The following UBN1 variants were observed in gnomAD, a reference collection of about 807,000 sequenced individuals.
UBN1 encodes ubinuclein 1, also known as ubinuclein-1.
In UBN1, 17 loss-of-function variants were observed where a neutral mutation model predicts 108.5. That is an observed-to-expected ratio of 0.16 (90% CI 0.11 to 0.24). The LOEUF is 0.24. UBN1 is among the 10% of genes least tolerant of loss of function. UBN1 has a pLI of 1.00. For synonymous variants in UBN1, 726 were observed against 564.2 expected, an observed-to-expected ratio of 1.29 and a Z score of -4.07; for missense variants, 1,595 against 1,394.4, an observed-to-expected ratio of 1.14 and a Z score of -2.29.
Position 4,876,897 on chromosome 16 carries a change from G to A in UBN1, c.3051G>A (p.Leu1017=). The A allele has an allele frequency of 6.2e-7, 1 of 1,611,832 alleles. No homozygotes were observed. Among genetic ancestry groups the A allele is most frequent in the Non-Finnish European group, 8.5e-7 (1 of 1,178,756 alleles). Residue 1017 remains leucine, a synonymous_variant, in exon 16 of 18, where the codon CTG becomes CTA. Transcript: ENST00000262376. ...LSKGASGTVL[L]AGSSLMASPY... is the part of the protein sequence containing the mutation. ...AAGGAGCGAGTGGGACTGTGCTGCT[G>A]GCCGGCTCCTCTTTGATGGCTTCAC...
chr16:4,850,512 T>C (rs986364319), intron 1 of UBN1, among the ~76,000 whole-genome samples: 2 of 152,228 alleles, frequency 1.3e-5, no homozygotes, highest in Non-Finnish European at 2.9e-5. Flanking sequence ...AGCTGGGATT[T>C]ATTTCCACAA....
chr16:4,877,158 G>T lies in UBN1; in HGVS notation c.3265+47G>T. 1 of 1,553,558 alleles carries T rather than the reference G, an allele frequency of 6.4e-7. No homozygotes were observed. The highest frequency in any genetic ancestry group is 8.7e-7 in the Non-Finnish European group (1 of 1,153,350). ...CTGGTCACTCAGGAACCTCTAGATT[G>T]TGGCCAGGGGTCCTGCTGTTGTGTA... is the stretch of plus-strand genomic sequence containing the variant. On this transcript the variant is annotated intron_variant, in intron 16 of 17. Coordinates refer to ENST00000262376, the MANE Select transcript of UBN1 (RefSeq NM_001079514.3). The surrounding 1 kb of genome is among the most constrained non-coding windows in gnomAD (Gnocchi z 4.3).
chr16:4,869,502 C>T (rs980564647), intron 8 of UBN1, among the ~76,000 whole-genome samples: 2 of 152,210 alleles, frequency 1.3e-5, no homozygotes, highest in African/African-American at 2.4e-5. Flanking sequence ...CCGCTTTTCT[C>T]CTGGTTGCAG....
In UBN1 at chr16:4,853,274, GC is replaced by G. The variant is rs1334397069; in HGVS notation, c.249+112del. On this transcript the variant is annotated intron_variant, in intron 2 of 17. Coordinates refer to ENST00000262376, the MANE Select transcript of UBN1 (RefSeq NM_001079514.3). ...GCAAGACTTAACTGAGGTTTTGGCT[GC>G]CCCAAGATCCTGTCACTCACTCAAG... 5 of 1,448,408 alleles carry G rather than the reference GC, an allele frequency of 3.5e-6. No individual in the cohort carries two copies. The East Asian group carries it at 9.4e-5, about 27-fold the overall frequency. 89.7% of individuals were successfully genotyped at this position (1,448,408 alleles called of 1,614,324 possible).
chr16:4,878,503 C>G (rs561734534), intron 17 of UBN1, among the ~76,000 whole-genome samples: 1 of 152,274 alleles, frequency 6.6e-6, no homozygotes, highest in African/African-American at 2.4e-5. Context: ...TGGGGCAAGA[C>G]TAAATCTGTA....
chr16:4,870,871 G>A lies in UBN1; in HGVS notation c.1458G>A (p.Glu486=). 2.5e-6 allele frequency: 4 copies of A among 1,614,110 alleles called. No homozygotes were observed. Among genetic ancestry groups the A allele is most frequent in the African/African-American group, 1.3e-5 (1 of 75,054 alleles). ...TGCTGGAAGAGGAGAAAGACAAGGAGCAGAGGGACCGGATTTGTTCGGATG... is the reference window on the plus strand; with the variant it reads ...TGCTGGAAGAGGAGAAAGACAAGGAACAGAGGGACCGGATTTGTTCGGATG... ...AKMLEEEKDK[E]QRDRICSDEE... Residue 486 remains glutamate, a synonymous_variant, in exon 11 of 18, where the codon GAG becomes GAA. Transcript: ENST00000262376.
In UBN1 at chr16:4,870,533, G is replaced by A. The variant is rs146683333; in HGVS notation, c.1329G>A (p.Glu443=). 21 of 1,614,132 alleles carry A rather than the reference G, an allele frequency of 1.3e-5. No homozygotes were observed. The African/African-American group carries it at 2.5e-4, about 19-fold the overall frequency. ...CTTCGCAGGGGGGCCGTCTGAAGGA[G>A]CCTCTCCAGAAGCTCAAGGAAGCCA... ...HLYEQGGRLK[E]PLQKLKEAIG... The change falls in exon 10 of 18, where the codon GAG becomes GAA. Residue 443 remains glutamate, a synonymous_variant. Transcript: ENST00000262376.
rs572331937 is a variant in UBN1 at position 4,868,690 on chromosome 16, G to A, written c.1111-143G>A. ...TTGATCGCAGGCGAACTTAACCTGG[G>A]ACTAGGGTGGAGTTGGAAAGGTGGC... On this transcript the variant is annotated intron_variant, in intron 7 of 17. Coordinates refer to ENST00000262376, the MANE Select transcript of UBN1 (RefSeq NM_001079514.3). 3.5e-5 allele frequency: 24 copies of A among 694,242 alleles called. 1 individual carries two copies. In the African/African-American group the frequency reaches 3.8e-4, roughly 11 times the overall value. 43.0% of individuals were successfully genotyped at this position (694,242 alleles called of 1,614,324 possible).
At chr16:4,858,852 C>G (rs751696165) in intron 4 of UBN1, 173 bp from the exon 5 acceptor site, 4 of 993,446 alleles carry the variant, frequency 4.0e-6, no homozygotes, top group Non-Finnish European at 6.1e-6. Context: ...AAAGTGATGA[C>G]CAGATCTGTC....
At chr16:4,871,443 G>T in intron 12 of UBN1, 142 bp downstream of exon 12, 1 of 1,215,064 alleles carries the variant, frequency 8.2e-7, no homozygotes, top group Non-Finnish European at 1.1e-6. Flanking sequence ...GTAACTGGGG[G>T]ACATGCAGGT....
At position 4,877,195 on chromosome 16, in the gene UBN1, G is replaced by A. The variant is rs2087924190; in HGVS notation, c.3265+84G>A. The A allele has an allele frequency of 5.2e-6, 8 of 1,527,984 alleles. No individual in the cohort carries two copies. Among genetic ancestry groups the A allele is most frequent in the Middle Eastern group, 3.6e-4 (2 of 5,616 alleles). 94.7% of individuals were successfully genotyped at this position (1,527,984 alleles called of 1,614,324 possible). A position where few individuals can be genotyped will look rare whatever the true frequency, so the allele number is the denominator to read the frequency against. On this transcript the variant is annotated intron_variant, in intron 16 of 17. Coordinates refer to ENST00000262376, the MANE Select transcript of UBN1 (RefSeq NM_001079514.3). This position sits in a 1 kb window ranked among gnomAD's most constrained non-coding sequence, Gnocchi z 4.3. ...CCTGCTGTTGTGTACTCTGGTTCCT[G>A]TGTTTGAGTCTGGTGTGTGACTGTG...
intron 7 of UBN1, among the ~76,000 whole-genome samples, chr16:4,865,952 A>T (rs1264014281): frequency 6.6e-6 from 1 of 152,082 alleles, no homozygotes; most frequent in African/African-American, 2.4e-5. Context: ...ACAGAACAAG[A>T]CTCCGTCTCA....
At chr16:4,849,284 A>G (rs1207443695) in intron 1 of UBN1, among the ~76,000 whole-genome samples, 1 of 152,158 alleles carries the variant, frequency 6.6e-6, no homozygotes, top group Non-Finnish European at 1.5e-5. Flanking sequence ...AAGAAATGCA[A>G]TTTTTGGAAA....
intron 7 of UBN1, among the ~76,000 whole-genome samples, chr16:4,863,443 A>G (rs1352093701): frequency 6.6e-6 from 1 of 152,170 alleles, no homozygotes; most frequent in African/African-American, 2.4e-5. Context: ...CAAATTGCTT[A>G]TGATTCCAAA....
At chr16:4,858,975 C>G (rs180757671) in intron 4 of UBN1, 50 bp from the exon 5 acceptor site, 1 of 1,600,362 alleles carries the variant, frequency 6.2e-7, no homozygotes. Context: ...TTTGCACCTT[C>G]GGACTGCAGA....
Position 4,881,326 on chromosome 16 carries a change from G to T in UBN1, c.*1194G>T. 1 of 152,700 alleles carries T rather than the reference G, an allele frequency of 6.5e-6. No homozygotes were observed. The allele number at this position is 152,700 out of a possible 1,614,324, so 9.5% of individuals were successfully genotyped here. The stretch of plus-strand genomic sequence containing the variant: ...GGTTATGTGTCGACTGAAGGGTGAT[G>T]TGCAGAAGAGCTTGGAGAGTGGATC... On this transcript the variant is annotated 3_prime_UTR_variant, in exon 18 of 18. Coordinates refer to ENST00000262376, the MANE Select transcript of UBN1 (RefSeq NM_001079514.3).
intron 2 of UBN1, among the ~76,000 whole-genome samples, chr16:4,853,940 C>A (rs527842684): frequency 6.6e-6 from 1 of 152,134 alleles, no homozygotes; most frequent in Admixed American, 6.5e-5. Context: ...ATCAGGACCC[C>A]AGAAACCCTC....
intron 12 of UBN1, chr16:4,872,473 ATGG>A (rs1419610465): frequency 2.4e-5 from 1 of 41,198 alleles, no homozygotes; most frequent in Non-Finnish European, 4.7e-5. Flanking sequence ...GTGGGTGGGC[ATGG>A]TGGGGGGGCG....
At chr16:4,863,431 C>G (rs1055533621) in intron 7 of UBN1, among the ~76,000 whole-genome samples, 3 of 152,034 alleles carry the variant, frequency 2.0e-5, no homozygotes, top group African/African-American at 7.3e-5. Context: ...CACTGGTATA[C>G]TCAAATTGCT....
Sources: allele counts gnomAD v4.1 joint callset (sites outside exome capture counted in the v4.1 genomes callset), GRCh38; gene constraint gnomAD v4.1.1; non-coding constraint Gnocchi (gnomAD v3.1); transcripts MANE v1.5; gene names NCBI Gene and HGNC (gene_info 2026-07-23, HGNC 2026-07-21).